Variants in OR13D1 observed in about 807,000 individuals in gnomAD.
OR13D1 encodes olfactory receptor 13D1.
For synonymous variants in OR13D1, 125 were observed against 140.2 expected (o/e 0.89, Z 0.76); for missense variants, 353 against 371.9 (o/e 0.95, Z 0.42).
rs1827201902 is a variant in OR13D1, at chr9:104,694,765, T to G, written c.248T>G (p.Ile83Ser). Residue 83 changes from isoleucine (I) to serine (S), a missense_variant, in exon 1 of 1, where the codon ATT becomes AGT. Transcript: ENST00000641530. ...YTSSSIPPML[I>S]IFMSERKSIS... ...TCCTCATCCATTCCTCCAATGCTTA[T>G]TATATTTATGTCTGAGAGAAAATCC... 2 of 1,614,044 alleles carry G rather than the reference T, an allele frequency of 1.2e-6. No homozygotes were observed. The highest frequency in any genetic ancestry group is 2.7e-5 in the African/African-American group (2 of 74,942).
rs771583671 is a variant in OR13D1, at chr9:104,694,979, G to A, written c.462G>A (p.Leu154=). The A allele has an allele frequency of 1.4e-5, 23 of 1,613,928 alleles. No individual in the cohort carries two copies. The highest frequency in any genetic ancestry group is 5.0e-5 in the Admixed American group (3 of 59,992). ...MAAWSWIIGC[L]TSLLQTVLTM... is the part of the protein sequence containing the mutation. ...CATGGTCCTGGATCATAGGCTGTCTGACCTCCCTATTGCAAACAGTTCTGA... is the reference window on the plus strand; with the variant it reads ...CATGGTCCTGGATCATAGGCTGTCTAACCTCCCTATTGCAAACAGTTCTGA... Residue 154 remains leucine, a synonymous_variant, in exon 1 of 1, where the codon CTG becomes CTA. Transcript: ENST00000641530.
rs1352434420 is a variant in OR13D1, at chr9:104,694,965, A to G, written c.448A>G (p.Ile150Val). 6.2e-7 allele frequency: 1 copy of G among 1,614,096 alleles called. No individual in the cohort carries two copies. The highest frequency in any genetic ancestry group is 8.5e-7 in the Non-Finnish European group (1 of 1,179,988). The change falls in exon 1 of 1, where the codon ATC becomes GTC. Residue 150 changes from isoleucine to valine, a missense_variant. By Grantham distance (29) the Ile-to-Val change is conservative (BLOSUM62 3). Coordinates refer to ENST00000641530, the MANE Select transcript of OR13D1 (RefSeq NM_001004484.2). ...TGTGCAAATGGCTGCATGGTCCTGG[A>G]TCATAGGCTGTCTGACCTCCCTATT... Reference protein sequence around the residue: ...LYVQMAAWSWIIGCLTSLLQT... With the variant: ...LYVQMAAWSWVIGCLTSLLQT...
In OR13D1 at chr9:104,694,558, T is replaced by C. The variant is rs775592420; in HGVS notation, c.41T>C (p.Leu14Pro). ...TACTCTGCCATGACTGAATTCTTTCTGGTGGGGCTTTCCCAATATCCAGAG... is the reference window on the plus strand; with the variant it reads ...TACTCTGCCATGACTGAATTCTTTCCGGTGGGGCTTTCCCAATATCCAGAG... The part of the protein sequence containing the change: ...RNYSAMTEFF[L>P]VGLSQYPELQ... The change falls in exon 1 of 1, where the codon CTG (leucine) becomes CCG (proline). Residue 14 changes from leucine to proline, a missense_variant. Leu to Pro is a moderately conservative substitution (Grantham distance 98). Transcript: ENST00000641530. 1.9e-6 allele frequency: 3 copies of C among 1,614,194 alleles called. No individual in the cohort carries two copies. Among genetic ancestry groups the C allele is most frequent in the Non-Finnish European group, 2.5e-6 (3 of 1,180,030 alleles).
rs1827201640 is a variant in OR13D1, at chr9:104,694,746, T to A, written c.229T>A (p.Ser77Thr). 4 of 1,613,976 alleles carry A rather than the reference T, an allele frequency of 2.5e-6. No individual in the cohort carries two copies. In the South Asian group the frequency reaches 4.4e-5, roughly 18 times the overall value. The change falls in exon 1 of 1, where the codon TCC becomes ACC. Residue 77 changes from serine (S) to threonine (T), a missense_variant. Ser to Thr is a moderately conservative substitution (Grantham distance 58). Coordinates refer to ENST00000641530, the MANE Select transcript of OR13D1 (RefSeq NM_001004484.2). ...CTTGGACATCTGTTACACATCCTCA[T>A]CCATTCCTCCAATGCTTATTATATT... ...SFLDICYTSS[S>T]IPPMLIIFMS...
chr9:104,694,807 G>T lies in OR13D1; in HGVS notation c.290G>T (p.Cys97Phe). 1.2e-6 allele frequency: 2 copies of T among 1,614,162 alleles called. No individual in the cohort carries two copies. Among genetic ancestry groups the T allele is most frequent in the Non-Finnish European group, 1.7e-6 (2 of 1,180,030 alleles). Residue 97 changes from cysteine (C) to phenylalanine (F), a missense_variant, in exon 1 of 1, where the codon TGT (cysteine) becomes TTT (phenylalanine). Cys to Phe is a radical substitution (Grantham distance 205). Transcript: ENST00000641530. ...AGAAAATCCATCTCCTTCATTGGCTGTGCTCTGCAGATGGTTGTGTCCCTT... is the reference window on the plus strand; with the variant it reads ...AGAAAATCCATCTCCTTCATTGGCTTTGCTCTGCAGATGGTTGTGTCCCTT... Reference protein sequence around the residue: ...SERKSISFIGCALQMVVSLGL... With the variant: ...SERKSISFIGFALQMVVSLGL...
rs778746599 is a variant in OR13D1 at position 104,694,793 on chromosome 9, C to T, written c.276C>T (p.Ile92=). 1.6e-5 allele frequency: 26 copies of T among 1,614,060 alleles called. No individual in the cohort carries two copies. The South Asian group carries it at 2.9e-4, about 18-fold the overall frequency. Residue 92 remains isoleucine (I), a synonymous_variant, in exon 1 of 1, where the codon ATC becomes ATT. Transcript: ENST00000641530. The part of the protein sequence containing the change: ...LIIFMSERKS[I]SFIGCALQMV... ...TATTTATGTCTGAGAGAAAATCCAT[C>T]TCCTTCATTGGCTGTGCTCTGCAGA...
rs748008660 is a variant in OR13D1, at chr9:104,694,540, C to T, written c.23C>T (p.Ala8Val). The change falls in exon 1 of 1, where the codon GCC (alanine) becomes GTC (valine). Residue 8 changes from alanine (A) to valine (V), a missense_variant. Ala to Val is a moderately conservative substitution (Grantham distance 64). Transcript: ENST00000641530. ...CACATGGAGACAAGAAATTACTCTG[C>T]CATGACTGAATTCTTTCTGGTGGGG... METRNYS[A>V]MTEFFLVGLS... The T allele has an allele frequency of 6.2e-7, 1 of 1,613,936 alleles. No individual in the cohort carries two copies. Among genetic ancestry groups the T allele is most frequent in the Non-Finnish European group, 8.5e-7 (1 of 1,179,922 alleles).
At position 104,694,657 on chromosome 9, in the gene OR13D1, T is replaced by G. The variant is rs1482463980; in HGVS notation, c.140T>G (p.Ile47Ser). ...IILLGNSLLI[I>S]ITILDSRLHT... ...CTCCTGGGAAATAGCCTCCTCATTA[T>G]CATCACCATCTTGGATTCTCGCCTC... Residue 47 changes from isoleucine (I) to serine (S), a missense_variant, in exon 1 of 1, where the codon ATC (isoleucine) becomes AGC (serine). By Grantham distance (142) the Ile-to-Ser change is moderately radical (BLOSUM62 -2). Transcript: ENST00000641530. 1 of 1,614,018 alleles carries G rather than the reference T, an allele frequency of 6.2e-7. No homozygotes were observed. The highest frequency in any genetic ancestry group is 1.3e-5 in the African/African-American group (1 of 74,942).
chr9:104,694,648 T>TC lies in OR13D1; in HGVS notation c.133dup (p.Leu45ProfsTer44), dbSNP rs1827199737. 6.2e-7 allele frequency: 1 copy of TC among 1,613,884 alleles called. No individual in the cohort carries two copies. On this transcript the variant is annotated frameshift_variant, in exon 1 of 1. Transcript: ENST00000641530. LOFTEE classifies it low-confidence loss of function (END_TRUNC). ...ATGATAATCCTCCTGGGAAATAGCC[T>TC]CCTCATTATCATCACCATCTTGGAT...
chr9:104,695,443 T>G lies in OR13D1; in HGVS notation c.926T>G (p.Leu309Arg). 6.4e-7 allele frequency: 1 copy of G among 1,551,998 alleles called. No individual in the cohort carries two copies. The highest frequency in any genetic ancestry group is 8.7e-7 in the Non-Finnish European group (1 of 1,154,570). ...GTAAAGAAAGTCCTGAGCAGACATC[T>G]GCATTTATTGAAAATGTGAAAAACC... is the stretch of plus-strand genomic sequence containing the variant. The part of the protein sequence containing the change: ...EAVKKVLSRH[L>R]HLLKM The change falls in exon 1 of 1, where the codon CTG becomes CGG. Residue 309 changes from leucine to arginine, a missense_variant. Coordinates refer to ENST00000641530, the MANE Select transcript of OR13D1 (RefSeq NM_001004484.2).
chr9:104,694,773 A>G lies in OR13D1; in HGVS notation c.256A>G (p.Met86Val), dbSNP rs1366029957. ...SSIPPMLIIF[M>V]SERKSISFIG... ...CATTCCTCCAATGCTTATTATATTT[A>G]TGTCTGAGAGAAAATCCATCTCCTT... Residue 86 changes from methionine (M) to valine (V), a missense_variant, in exon 1 of 1, where the codon ATG becomes GTG. Met to Val is a conservative substitution (Grantham distance 21, BLOSUM62 1). Transcript: ENST00000641530. 3.7e-6 allele frequency: 6 copies of G among 1,614,040 alleles called. No individual in the cohort carries two copies. Among genetic ancestry groups the G allele is most frequent in the East Asian group, 2.2e-5 (1 of 44,880 alleles).
rs1367299833 is a variant in OR13D1, at chr9:104,695,238, T to C, written c.721T>C (p.Cys241Arg). ...AEGRKKAFST[C>R]SAHSIVVILF... ...GGGAAGAAAGAAAGCCTTCTCTACC[T>C]GTTCAGCGCACTCGATTGTGGTCAT... The change falls in exon 1 of 1, where the codon TGT (cysteine) becomes CGT (arginine). Residue 241 changes from cysteine to arginine, a missense_variant. Physicochemically the swap from Cys to Arg is radical, Grantham distance 180 (BLOSUM62 -3). Coordinates refer to ENST00000641530, the MANE Select transcript of OR13D1 (RefSeq NM_001004484.2). 6.2e-6 allele frequency: 10 copies of C among 1,613,492 alleles called. No homozygotes were observed. Among genetic ancestry groups the C allele is most frequent in the Admixed American group, 1.7e-5 (1 of 60,016 alleles).
In OR13D1 at chr9:104,695,439, C is replaced by T. The variant is rs746830672; in HGVS notation, c.922C>T (p.His308Tyr). 9 of 1,555,794 alleles carry T rather than the reference C, an allele frequency of 5.8e-6. No homozygotes were observed. Among genetic ancestry groups the T allele is most frequent in the Non-Finnish European group, 8.6e-7 (1 of 1,156,660 alleles). Residue 308 changes from histidine (H) to tyrosine (Y), a missense_variant, in exon 1 of 1, where the codon CAT (histidine) becomes TAT (tyrosine). Transcript: ENST00000641530. Reference protein sequence around the residue: ...KEAVKKVLSRHLHLLKM With the variant: ...KEAVKKVLSRYLHLLKM ...GGCTGTAAAGAAAGTCCTGAGCAGACATCTGCATTTATTGAAAATGTGAAA... is the reference window on the plus strand; with the variant it reads ...GGCTGTAAAGAAAGTCCTGAGCAGATATCTGCATTTATTGAAAATGTGAAA...
In OR13D1 at chr9:104,694,656, A is replaced by T. The variant is rs754553126; in HGVS notation, c.139A>T (p.Ile47Phe). 6.2e-7 allele frequency: 1 copy of T among 1,614,082 alleles called. No homozygotes were observed. Among genetic ancestry groups the T allele is most frequent in the Non-Finnish European group, 8.5e-7 (1 of 1,179,964 alleles). ...CCTCCTGGGAAATAGCCTCCTCATT[A>T]TCATCACCATCTTGGATTCTCGCCT... Reference protein sequence around the residue: ...IILLGNSLLIIITILDSRLHT... With the variant: ...IILLGNSLLIFITILDSRLHT... The change falls in exon 1 of 1, where the codon ATC becomes TTC. Residue 47 changes from isoleucine (I) to phenylalanine (F), a missense_variant. By Grantham distance (21) the Ile-to-Phe change is conservative. Coordinates refer to ENST00000641530, the MANE Select transcript of OR13D1 (RefSeq NM_001004484.2).
Position 104,694,767 on chromosome 9 carries a change from A to T in OR13D1, c.250A>T (p.Ile84Leu). The change falls in exon 1 of 1, where the codon ATA becomes TTA. Residue 84 changes from isoleucine to leucine, a missense_variant. Coordinates refer to ENST00000641530, the MANE Select transcript of OR13D1 (RefSeq NM_001004484.2). The part of the protein sequence containing the change: ...TSSSIPPMLI[I>L]FMSERKSISF... ...CTCATCCATTCCTCCAATGCTTATTATATTTATGTCTGAGAGAAAATCCAT... is the reference window on the plus strand; with the variant it reads ...CTCATCCATTCCTCCAATGCTTATTTTATTTATGTCTGAGAGAAAATCCAT... 1 of 1,614,036 alleles carries T rather than the reference A, an allele frequency of 6.2e-7. No individual in the cohort carries two copies. The highest frequency in any genetic ancestry group is 8.5e-7 in the Non-Finnish European group (1 of 1,179,952).
rs747201195 is a variant in OR13D1 at position 104,694,796 on chromosome 9, C to A, written c.279C>A (p.Ser93=). Reference sequence around the variant, plus strand: ...TTATGTCTGAGAGAAAATCCATCTCCTTCATTGGCTGTGCTCTGCAGATGG... The same window carrying A: ...TTATGTCTGAGAGAAAATCCATCTCATTCATTGGCTGTGCTCTGCAGATGG... The part of the protein sequence containing the change: ...IIFMSERKSI[S]FIGCALQMVV... The change falls in exon 1 of 1, where the codon TCC becomes TCA. Residue 93 remains serine, a synonymous_variant. Coordinates refer to ENST00000641530, the MANE Select transcript of OR13D1 (RefSeq NM_001004484.2). 38 of 1,614,022 alleles carry A rather than the reference C, an allele frequency of 2.4e-5. No homozygotes were observed. The highest frequency in any genetic ancestry group is 3.1e-5 in the Non-Finnish European group (37 of 1,180,028).
chr9:104,694,895 C>T lies in OR13D1; in HGVS notation c.378C>T (p.Ile126=), dbSNP rs1224114466. ...AVMAYDHYVA[I]CNPLRYSIIM... ...TGGCCTATGACCACTATGTGGCCAT[C>T]TGCAACCCACTGAGGTACTCCATCA... Residue 126 remains isoleucine (I), a synonymous_variant, in exon 1 of 1, where the codon ATC becomes ATT. Transcript: ENST00000641530. 1.9e-6 allele frequency: 3 copies of T among 1,614,154 alleles called. No individual in the cohort carries two copies. The highest frequency in any genetic ancestry group is 1.7e-5 in the Admixed American group (1 of 60,026).
rs1457790335 is a variant in OR13D1 at position 104,694,635 on chromosome 9, C to T, written c.118C>T (p.Leu40=). ...LCLIMYMIIL[L]GNSLLIIITI... The stretch of plus-strand genomic sequence containing the variant: ...CCTCATCATGTACATGATAATCCTC[C>T]TGGGAAATAGCCTCCTCATTATCAT... Residue 40 remains leucine (L), a synonymous_variant, in exon 1 of 1, where the codon CTG becomes TTG. Coordinates refer to ENST00000641530, the MANE Select transcript of OR13D1 (RefSeq NM_001004484.2). 12 of 1,613,734 alleles carry T rather than the reference C, an allele frequency of 7.4e-6. No homozygotes were observed. The highest frequency in any genetic ancestry group is 1.0e-5 in the Non-Finnish European group (12 of 1,179,778).
rs369970814 is a variant in OR13D1, at chr9:104,694,934, G to A, written c.417G>A (p.Val139=). 3.7e-6 allele frequency: 6 copies of A among 1,614,136 alleles called. No homozygotes were observed. Among genetic ancestry groups the A allele is most frequent in the Non-Finnish European group, 5.1e-6 (6 of 1,180,022 alleles). ...PLRYSIIMNG[V]LYVQMAAWSW... The stretch of plus-strand genomic sequence containing the variant: ...GGTACTCCATCATCATGAACGGAGT[G>A]CTGTATGTGCAAATGGCTGCATGGT... The change falls in exon 1 of 1, where the codon GTG becomes GTA. Residue 139 remains valine (V), a synonymous_variant. Transcript: ENST00000641530.
Sources: gnomAD v4.1 joint callset for allele counts on GRCh38, gnomAD v4.1.1 for gene constraint, MANE v1.5 for transcripts, NCBI Gene and HGNC (gene_info 2026-07-23, HGNC 2026-07-21) for gene names.